Variants in SDC3 observed in about 807,000 individuals in gnomAD.
SDC3 encodes syndecan 3, also known as syndecan-3.
A neutral mutation model predicts 24.4 loss-of-function variants in SDC3; 13 were observed. The ratio of observed to expected loss-of-function variants is 0.53; its 90% CI spans 0.35 to 0.85. The LOEUF (loss-of-function observed/expected upper bound fraction) is 0.85, where lower values mean the gene tolerates loss of function less well. Among genes scored for constraint, SDC3 ranks in the 40% least tolerant of loss-of-function variants. The pLI, the probability that SDC3 is intolerant of heterozygous loss-of-function variation, is 0.01. For synonymous variants in SDC3, 295 were observed against 260.9 expected, an observed-to-expected ratio of 1.13 and a Z score of -1.26; for missense variants, 571 against 584.5, an observed-to-expected ratio of 0.98 and a Z score of 0.24.
intron 1 of SDC3, among the ~76,000 whole-genome samples, chr1:30,890,265 C>T (rs989783125): frequency 6.6e-6 from 1 of 152,138 alleles, no homozygotes; most frequent in African/African-American, 2.4e-5. Context: ...CGAGATCATG[C>T]CATTGCACCC....
chr1:30,892,024 C>A (rs1201124747), intron 1 of SDC3, among the ~76,000 whole-genome samples: 3 of 151,968 alleles, frequency 2.0e-5, no homozygotes, highest in Non-Finnish European at 4.4e-5. Context: ...CTCACCCCCC[C>A]AACCCAACAT....
At chr1:30,885,659 C>T (rs1042340444) in intron 1 of SDC3, among the ~76,000 whole-genome samples, 2 of 152,234 alleles carry the variant, frequency 1.3e-5, no homozygotes, top group African/African-American at 2.4e-5. Flanking sequence ...GCAGGGCCCA[C>T]GGCCCAACCG....
At chr1:30,883,708 C>T (rs565734740) in intron 1 of SDC3, among the ~76,000 whole-genome samples, 104 of 152,282 alleles carry the variant, frequency 6.8e-4, no homozygotes, top group Middle Eastern at 3.4e-3. Context: ...TTCAACTCTC[C>T]CCTTTTACCG....
chr1:30,878,613 G>T lies in SDC3; in HGVS notation c.256+10C>A. The T allele has an allele frequency of 1.2e-6, 2 of 1,603,702 alleles. No individual in the cohort carries two copies. The highest frequency in any genetic ancestry group is 1.1e-5 in the South Asian group (1 of 90,882). On this transcript the variant is annotated intron_variant, in intron 2 of 4. Transcript: ENST00000339394. The stretch of plus-strand genomic sequence containing the variant: ...TGCCCCCAGGCAGAGGTAGGGAGGG[G>T]GGTACTTACAGCCCGAGCCCGACCC...
Position 30,876,808 on chromosome 1 carries a change from G to T in SDC3, c.614C>A (p.Thr205Asn). 4 of 1,607,062 alleles carry T rather than the reference G, an allele frequency of 2.5e-6. No individual in the cohort carries two copies. Among genetic ancestry groups the T allele is most frequent in the Middle Eastern group, 3.3e-4 (2 of 6,000 alleles). ...AGGCAGAAGCCTCCGTACGCCAGTG[G>T]TCCTTATAACAGCAGTGGTGGCCGT... ...PFTATTAVIR[T>N]TGVRRLLPLP... Residue 205 changes from threonine to asparagine, a missense_variant, in exon 3 of 5, where the codon ACC becomes AAC. By Grantham distance (65) the Thr-to-Asn change is moderately conservative (BLOSUM62 0). Around this residue, in one of 2 missense-constraint regions of SDC3, gnomAD observed 497 missense variants for 471.6 expected, o/e 1.05. Transcript: ENST00000339394.
chr1:30,892,780 T>C (rs1039641454), intron 1 of SDC3, among the ~76,000 whole-genome samples: 3 of 152,130 alleles, frequency 2.0e-5, no homozygotes, highest in African/African-American at 7.2e-5. Flanking sequence ...ATGGTCACCC[T>C]CCAGCTTCAT....
At position 30,874,504 on chromosome 1, in the gene SDC3, G is replaced by C. The variant is rs766999758; in HGVS notation, c.955C>G (p.Leu319Val). ...VSGGPSGDFE[L>V]PEEETTQPDT... is the part of the protein sequence containing the mutation. ...GGTTGTGTGGTCTCTTCTTCTGGCA[G>C]CTCGAAGTCTCCACTGGGCCCCCCA... Residue 319 changes from leucine (L) to valine (V), a missense_variant, in exon 4 of 5, where the codon CTG becomes GTG. By Grantham distance (32) the Leu-to-Val change is conservative. Transcript: ENST00000339394. The C allele has an allele frequency of 1.9e-6, 3 of 1,614,172 alleles. No individual in the cohort carries two copies. In the South Asian group the frequency reaches 3.3e-5, roughly 18 times the overall value.
chr1:30,881,188 G>C (rs1386103191), intron 1 of SDC3, among the ~76,000 whole-genome samples: 1 of 151,368 alleles, frequency 6.6e-6, no homozygotes, highest in Non-Finnish European at 1.5e-5. Context: ...AGGCAATACA[G>C]CCCAGCCCAC....
At chr1:30,877,591 C>T (rs1369200958) in intron 2 of SDC3, 1 of 312,020 alleles carries the variant, frequency 3.2e-6, no homozygotes, top group Non-Finnish European at 6.0e-6. Context: ...GGGTGGTACA[C>T]TAAGGGCTTC....
At chr1:30,894,537 TGC>T (rs1357705838) in intron 1 of SDC3, among the ~76,000 whole-genome samples, 14 of 128,854 alleles carry the variant, frequency 1.1e-4, no homozygotes, top group South Asian at 2.6e-4. Flanking sequence ...GGTGAGAGTG[TGC>T]GTGGATGAGT....
At chr1:30,887,894 C>T (rs910378588) in intron 1 of SDC3, among the ~76,000 whole-genome samples, 2 of 152,174 alleles carry the variant, frequency 1.3e-5, no homozygotes, top group African/African-American at 2.4e-5. Context: ...TGTGTAAAAC[C>T]GAGGAATGAA....
At position 30,874,433 on chromosome 1, in the gene SDC3, C is replaced by G; in HGVS notation, c.1026G>C (p.Lys342Asn). Residue 342 changes from lysine (K) to asparagine (N), a missense_variant, in exon 4 of 5, where the codon AAG (lysine) becomes AAC (asparagine). By Grantham distance (94) the Lys-to-Asn change is moderately conservative. Coordinates refer to ENST00000339394, the MANE Select transcript of SDC3 (RefSeq NM_014654.4). ...EVVAVGGAAA[K>N]ASSPPGTLPK... ...GCAGTGTCCCAGGTGGAGATGATGC[C>G]TTGGCCGCAGCCCCTCCCACAGCTA... 1 of 1,614,238 alleles carries G rather than the reference C, an allele frequency of 6.2e-7. No individual in the cohort carries two copies. Among genetic ancestry groups the G allele is most frequent in the Non-Finnish European group, 8.5e-7 (1 of 1,180,038 alleles).
At chr1:30,878,446 C>G in intron 2 of SDC3, 177 bp downstream of exon 2, 1 of 586,238 alleles carries the variant, frequency 1.7e-6, no homozygotes, top group East Asian at 2.8e-5. Flanking sequence ...TGTTCTATCC[C>G]CAGAAGGATG....
Position 30,876,860 on chromosome 1 carries a change from G to A in SDC3, c.562C>T (p.Pro188Ser). The A allele has an allele frequency of 6.2e-7, 1 of 1,613,538 alleles. No homozygotes were observed. The highest frequency in any genetic ancestry group is 8.5e-7 in the Non-Finnish European group (1 of 1,179,758). The change falls in exon 3 of 5, where the codon CCC (proline) becomes TCC (serine). Residue 188 changes from proline (P) to serine (S), a missense_variant. By Grantham distance (74) the Pro-to-Ser change is moderately conservative. Around this residue, in one of 2 missense-constraint regions of SDC3, gnomAD observed 497 missense variants for 471.6 expected, o/e 1.05. Coordinates refer to ENST00000339394, the MANE Select transcript of SDC3 (RefSeq NM_014654.4). ...AAAGGGGGTGCTGCAGGGGTGCTGG[G>A]GGTGGCGGTGGCCACTGTGGCAGGC... Reference protein sequence around the residue: ...TVPATVATATPSTPAAPPFTA... With the variant: ...TVPATVATATSSTPAAPPFTA...
chr1:30,903,096 G>A (rs1299927337), intron 1 of SDC3, among the ~76,000 whole-genome samples: 1 of 152,148 alleles, frequency 6.6e-6, no homozygotes, highest in African/African-American at 2.4e-5. Flanking sequence ...GACAGCTGGG[G>A]GACCCCCACC....
rs1399307616 is a variant in SDC3, at chr1:30,872,165, G to C, written c.*1046C>G. The C allele has an allele frequency of 1.3e-5, 2 of 152,312 alleles. No individual in the cohort carries two copies. The highest frequency in any genetic ancestry group is 2.9e-5 in the Non-Finnish European group (2 of 68,122). 9.4% of individuals were successfully genotyped at this position (152,312 alleles called of 1,614,324 possible). ...ACTGAGTATGACGGGGCAACTTAGG[G>C]GGACCCAATATGGGCTGATTGTTCT... is the stretch of plus-strand genomic sequence containing the variant. On this transcript the variant is annotated 3_prime_UTR_variant, in exon 5 of 5. Coordinates refer to ENST00000339394, the MANE Select transcript of SDC3 (RefSeq NM_014654.4).
At chr1:30,876,171 A>G (rs1327527009) in intron 3 of SDC3, among the ~76,000 whole-genome samples, 1 of 152,228 alleles carries the variant, frequency 6.6e-6, no homozygotes, top group African/African-American at 2.4e-5. Flanking sequence ...GCGGAGGTAT[A>G]GAAATGATCA....
rs1444837144 is a variant in SDC3 at position 30,870,338 on chromosome 1, G to A, written c.*2873C>T. ...GGCTCTCCAGGTCCTGGCCTGCCTC[G>A]TGCTCTGGCAGCCAAGGCCCCAGAG... On this transcript the variant is annotated 3_prime_UTR_variant, in exon 5 of 5. Coordinates refer to ENST00000339394, the MANE Select transcript of SDC3 (RefSeq NM_014654.4). 6.2e-5 allele frequency: 10 copies of A among 160,082 alleles called. No homozygotes were observed. The highest frequency in any genetic ancestry group is 2.0e-4 in the South Asian group (1 of 4,902). 9.9% of individuals were successfully genotyped at this position (160,082 alleles called of 1,614,324 possible). A position where few individuals can be genotyped will look rare whatever the true frequency, so the allele number is the denominator to read the frequency against.
chr1:30,874,623 C>T (rs1569988859), intron 3 of SDC3, 35 bp from the exon 4 acceptor site: 1 of 1,593,088 alleles, frequency 6.3e-7, no homozygotes, highest in Non-Finnish European at 8.6e-7. Flanking sequence ...AGGACAACCA[C>T]ACATGCATGC....
Sources: allele counts gnomAD v4.1 joint callset (sites outside exome capture counted in the v4.1 genomes callset), GRCh38; gene constraint gnomAD v4.1.1; regional missense constraint gnomAD v4.1.1; transcripts MANE v1.5; gene names NCBI Gene and HGNC (gene_info 2026-07-23, HGNC 2026-07-21).